The following N4BP2 variants were observed in gnomAD, a reference collection of about 807,000 sequenced individuals.
N4BP2 encodes NEDD4-binding protein 2.
In N4BP2, 91 loss-of-function variants were observed where a neutral mutation model predicts 152.8. The observed-to-expected ratio is 0.60, with a 90% CI of 0.50 to 0.71. The LOEUF is 0.71. N4BP2 is among the 30% of genes least tolerant of loss of function. N4BP2 has a pLI of 0.00. For missense variants in N4BP2, 1,923 were observed against 2,059.1 expected (o/e 0.93, Z 1.28); for synonymous variants, 646 against 705.3 (o/e 0.92, Z 1.33).
At chr4:40,069,572 T>G (rs181395569) in intron 1 of N4BP2, among the ~76,000 whole-genome samples, 1 of 152,208 alleles carries the variant, frequency 6.6e-6, no homozygotes, top group East Asian at 1.9e-4. Context: ...ACTTGGCATT[T>G]TTGAATTACA....
intron 5 of N4BP2, among the ~76,000 whole-genome samples, chr4:40,107,917 C>T (rs1161234104): frequency 7.8e-6 from 1 of 128,490 alleles, no homozygotes; most frequent in Non-Finnish European, 1.6e-5. Context: ...GCAGTTGTTT[C>T]CTATGTATCT....
chr4:40,072,675 C>G (rs1373468876), intron 1 of N4BP2, among the ~76,000 whole-genome samples: 2 of 151,778 alleles, frequency 1.3e-5, no homozygotes, highest in African/African-American at 2.4e-5. Context: ...GGACTACACT[C>G]GTGAGCTACC....
At chr4:40,111,237 G>A (rs1246344340) in intron 5 of N4BP2, among the ~76,000 whole-genome samples, 3 of 152,038 alleles carry the variant, frequency 2.0e-5, no homozygotes, top group African/African-American at 7.2e-5. Context: ...TAAGAAATTG[G>A]TTTATTATTA....
At position 40,156,035 on chromosome 4, in the gene N4BP2, A is replaced by G. The variant is rs898064376; in HGVS notation, c.*1798A>G. 3.3e-5 allele frequency: 5 copies of G among 152,202 alleles called. No individual in the cohort carries two copies. Among genetic ancestry groups the G allele is most frequent in the Non-Finnish European group, 7.4e-5 (5 of 68,020 alleles). 9.4% of individuals were successfully genotyped at this position (152,202 alleles called of 1,614,324 possible). ...AATCTCTAGAACAGTTCTATACATT[A>G]AAAATAAACATTAAAAATAAAGCAG... is the stretch of plus-strand genomic sequence containing the variant. On this transcript the variant is annotated 3_prime_UTR_variant, in exon 18 of 18. Transcript: ENST00000261435.
chr4:40,183,518 A>G, the N4BP2 span, among the ~76,000 whole-genome samples: 1 of 151,972 alleles, frequency 6.6e-6, no homozygotes, highest in African/African-American at 2.4e-5. Context: ...TTGTATTTTT[A>G]GTAGAGACGG....
chr4:40,138,320 T>C (rs540067857), intron 14 of N4BP2, among the ~76,000 whole-genome samples: 1 of 152,370 alleles, frequency 6.6e-6, no homozygotes, highest in Non-Finnish European at 1.5e-5. Flanking sequence ...TCTTTATATA[T>C]TCTAGATACA....
At chr4:40,131,444 G>T (rs2110014222) in intron 12 of N4BP2, among the ~76,000 whole-genome samples, 1 of 152,048 alleles carries the variant, frequency 6.6e-6, no homozygotes, top group Middle Eastern at 3.4e-3. Flanking sequence ...TTATGTGTGT[G>T]TATGTATATA....
At chr4:40,190,024 A>G in the N4BP2 span, among the ~76,000 whole-genome samples, 1 of 152,128 alleles carries the variant, frequency 6.6e-6, no homozygotes, top group Non-Finnish European at 1.5e-5. Flanking sequence ...TCTATGAAGG[A>G]CTTTCCTGAC....
At chr4:40,178,664 T>G in the N4BP2 span, among the ~76,000 whole-genome samples, 2 of 152,228 alleles carry the variant, frequency 1.3e-5, no homozygotes, top group African/African-American at 4.8e-5. Flanking sequence ...ACGAAATAAG[T>G]TGCCCAGGAC....
At chr4:40,093,972 G>A (rs1398962750) in intron 2 of N4BP2, among the ~76,000 whole-genome samples, 1 of 152,156 alleles carries the variant, frequency 6.6e-6, no homozygotes, top group African/African-American at 2.4e-5. Flanking sequence ...TGAGCTCAGA[G>A]TGGTCTGCCC....
chr4:40,134,112 T>A (rs1180868318), intron 13 of N4BP2, among the ~76,000 whole-genome samples: 2 of 152,222 alleles, frequency 1.3e-5, no homozygotes, highest in African/African-American at 2.4e-5. Context: ...CCCAGCCCAG[T>A]CTGTACTTAA....
the N4BP2 span, among the ~76,000 whole-genome samples, chr4:40,163,517 T>G: frequency 9.2e-5 from 14 of 152,236 alleles, no homozygotes; most frequent in African/African-American, 3.4e-4. Flanking sequence ...TCTGCTAGAT[T>G]GGTTCTGGGA....
chr4:40,182,292 C>G, the N4BP2 span, among the ~76,000 whole-genome samples: 1 of 152,154 alleles, frequency 6.6e-6, no homozygotes, highest in African/African-American at 2.4e-5. Context: ...GGTGAAAGAT[C>G]AGGCTAGAAA....
In N4BP2 at chr4:40,154,271, T is replaced by G. The variant is rs1196207423; in HGVS notation, c.*34T>G. ...TCCTTGAATTAGAAGTATGAAGGTT[T>G]GTAGGTTAAAATTACTTTTATTTGC... is the stretch of plus-strand genomic sequence containing the variant. On this transcript the variant is annotated 3_prime_UTR_variant, in exon 18 of 18. Transcript: ENST00000261435. The G allele has an allele frequency of 2.0e-6, 3 of 1,465,678 alleles. No homozygotes were observed. Among genetic ancestry groups the G allele is most frequent in the Middle Eastern group, 3.5e-4 (2 of 5,738 alleles). 90.8% of individuals were successfully genotyped at this position (1,465,678 alleles called of 1,614,324 possible).
chr4:40,114,528 G>A (rs1717182318), intron 7 of N4BP2, among the ~76,000 whole-genome samples: 1 of 152,060 alleles, frequency 6.6e-6, no homozygotes, highest in Non-Finnish European at 1.5e-5. Context: ...TGTTTTTAAG[G>A]CTCATCCATG....
At chr4:40,085,095 T>C (rs1464050785) in intron 2 of N4BP2, among the ~76,000 whole-genome samples, 1 of 151,772 alleles carries the variant, frequency 6.6e-6, no homozygotes, top group African/African-American at 2.4e-5. Context: ...ATATTTTTAG[T>C]AGAGACGGGG....
downstream of N4BP2, among the ~76,000 whole-genome samples, chr4:40,159,927 G>A (rs1721811509): frequency 6.6e-6 from 1 of 151,874 alleles, no homozygotes; most frequent in Admixed American, 6.6e-5. Flanking sequence ...AGGCTGGAGT[G>A]CAGTGGTGCA....
intron 1 of N4BP2, among the ~76,000 whole-genome samples, chr4:40,068,861 G>C (rs1333108258): frequency 1.3e-5 from 2 of 152,186 alleles, no homozygotes; most frequent in South Asian, 2.1e-4. Context: ...GCTCACGCCT[G>C]TAATCTCAGC....
chr4:40,178,437 AG>A, the N4BP2 span, among the ~76,000 whole-genome samples: 6 of 148,826 alleles, frequency 4.0e-5, no homozygotes, highest in Non-Finnish European at 8.9e-5. Context: ...AAAAAAAAAA[AG>A]AAAAGAAAAA....
Sources: allele counts gnomAD v4.1 joint callset (sites outside exome capture counted in the v4.1 genomes callset), GRCh38; gene constraint gnomAD v4.1.1; transcripts MANE v1.5; gene names NCBI Gene and HGNC (gene_info 2026-07-23, HGNC 2026-07-21).